PER2: variants seen among roughly 807,000 people sequenced by gnomAD.
PER2 encodes period circadian protein homolog 2.
A neutral mutation model predicts 121.0 loss-of-function variants in PER2; 66 were observed. That is an observed-to-expected ratio of 0.55 (90% CI 0.45 to 0.67). PER2 has a LOEUF of 0.67. PER2 is among the 30% of genes least tolerant of loss of function. PER2 has a pLI of 0.00. For synonymous variants in PER2, 684 were observed against 659.9 expected (o/e 1.04, Z -0.56); for missense variants, 1,521 against 1,635.0 (o/e 0.93, Z 1.20).
intron 1 of PER2, among the ~76,000 whole-genome samples, chr2:238,278,900 G>A (rs10182909): frequency 0.054 from 8,208 of 152,224 alleles, 644 homozygotes; most frequent in African/African-American, 0.17. Context: ...TGAGTGCCAG[G>A]CCCACGGAAC....
rs1559323272 is a variant in PER2 at position 238,253,245 on chromosome 2, G to A, written c.2778C>T (p.Pro926=). 1 of 1,603,484 alleles carries A rather than the reference G, an allele frequency of 6.2e-7. No individual in the cohort carries two copies. The highest frequency in any genetic ancestry group is 2.2e-5 in the East Asian group (1 of 44,676). ...GGTGGCTCGGAAACTGAGGCTGGCT[G>A]GGGAAGAAGGCCTGGGGCAGGTTTG... The part of the protein sequence containing the change: ...GTPNLPQAFF[P]SQPQFPSHPT... Residue 926 remains proline, a synonymous_variant, in exon 19 of 23, where the codon CCC becomes CCT. Transcript: ENST00000254657. The surrounding 1 kb of genome is among the most constrained non-coding windows in gnomAD (Gnocchi z 5.6).
chr2:238,299,358 G>A, the PER2 span: 1 of 151,682 alleles, frequency 6.6e-6, no homozygotes, highest in South Asian at 2.1e-4. Context: ...TGGCTAACAT[G>A]GGCAAAATCC....
chr2:238,257,023 G>A lies in PER2; in HGVS notation c.1964C>T (p.Ala655Val). 1 of 1,613,414 alleles carries A rather than the reference G, an allele frequency of 6.2e-7. No individual in the cohort carries two copies. Among genetic ancestry groups the A allele is most frequent in the East Asian group, 2.2e-5 (1 of 44,872 alleles). ...CACACTCTCTGCCTTGCCCGGCAGT[G>A]CCAGCGAGGTCAGGTGCGTACCTAC... ...TGVGTHLTSL[A>V]LPGKAESVAS... The change falls in exon 17 of 23, where the codon GCA (alanine) becomes GTA (valine). Residue 655 changes from alanine to valine, a missense_variant. By Grantham distance (64) the Ala-to-Val change is moderately conservative. Coordinates refer to ENST00000254657, the MANE Select transcript of PER2 (RefSeq NM_022817.3).
At chr2:238,274,519 G>A (rs1696391924) in intron 4 of PER2, among the ~76,000 whole-genome samples, 1 of 152,230 alleles carries the variant, frequency 6.6e-6, no homozygotes, top group Admixed American at 6.5e-5. Flanking sequence ...GCTGGAAAGT[G>A]TGGAAAATGT....
intron 22 of PER2, among the ~76,000 whole-genome samples, chr2:238,246,866 ACT>A (rs1695465685): frequency 6.6e-6 from 1 of 152,080 alleles, no homozygotes. Context: ...ACAGAGTGAG[ACT>A]CTGTCTCAAA....
chr2:238,249,021 C>G (rs374764382), intron 22 of PER2, 41 bp downstream of exon 22: 2 of 1,601,662 alleles, frequency 1.2e-6, no homozygotes, highest in African/African-American at 1.3e-5. Flanking sequence ...CATCACAGAG[C>G]CTTTTAGGGC....
chr2:238,274,341 C>T (rs1422096708), intron 4 of PER2, among the ~76,000 whole-genome samples: 1 of 152,224 alleles, frequency 6.6e-6, no homozygotes, highest in East Asian at 1.9e-4. Context: ...AAACCTGGGG[C>T]TGCGTTACGA....
At position 238,248,072 on chromosome 2, in the gene PER2, G is replaced by C. The variant is rs117376830; in HGVS notation, c.3618+990C>G. On this transcript the variant is annotated intron_variant, in intron 22 of 22. Transcript: ENST00000254657. ...GCCCAGGATGCCTCCAGGGCTTGCA[G>C]GGTGCAGGTGGGGAAAAGAGGTGCA... 9.2e-5 allele frequency among the ~76,000 whole-genome samples: 14 copies of C among 152,338 alleles called. No homozygotes were observed. The East Asian group carries it at 2.7e-3, about 29-fold the overall frequency.
intron 9 of PER2, among the ~76,000 whole-genome samples, chr2:238,265,237 G>T (rs1375841362): frequency 6.6e-6 from 1 of 152,186 alleles, no homozygotes; most frequent in Non-Finnish European, 1.5e-5. Context: ...AGGCAACAGC[G>T]CCTCTGTCTG....
intron 21 of PER2, among the ~76,000 whole-genome samples, chr2:238,250,096 A>G (rs1167886427): frequency 6.6e-6 from 1 of 152,192 alleles, no homozygotes; most frequent in African/African-American, 2.4e-5. Flanking sequence ...CCTGATGTGG[A>G]CACAGAGCCC....
At position 238,265,195 on chromosome 2, in the gene PER2, G is replaced by A; in HGVS notation, c.1046+317C>T. Among the ~76,000 whole-genome samples, 3 of 152,316 alleles carry A rather than the reference G, an allele frequency of 2.0e-5. 1 individual carries two copies. In the Middle Eastern group the frequency reaches 0.01, roughly 518 times the overall value. ...GACTTCTGCTGGGATCCAGCCAATG[G>A]CATCTCCGGCTTCCACCCTGACACT... On this transcript the variant is annotated intron_variant, in intron 9 of 22. Transcript: ENST00000254657.
chr2:238,297,459 G>T, the PER2 span, among the ~76,000 whole-genome samples: 1 of 152,152 alleles, frequency 6.6e-6, no homozygotes, highest in Non-Finnish European at 1.5e-5. Flanking sequence ...AGTGAGTGAA[G>T]ACACGATTGA....
chr2:238,267,114 G>A (rs1471651490), intron 8 of PER2, among the ~76,000 whole-genome samples: 1 of 150,114 alleles, frequency 6.7e-6, no homozygotes, highest in Non-Finnish European at 1.5e-5. Context: ...CAGCACAGCA[G>A]ACTCAGCTGG....
chr2:238,266,166 G>A (rs1392164899), intron 8 of PER2, among the ~76,000 whole-genome samples: 1 of 152,038 alleles, frequency 6.6e-6, no homozygotes, highest in Non-Finnish European at 1.5e-5. Flanking sequence ...GCCTCCCAAA[G>A]TGCTGGGACT....
chr2:238,271,260 TG>T, intron 6 of PER2, 51 bp downstream of exon 6: 1 of 1,530,114 alleles, frequency 6.5e-7, no homozygotes, highest in Non-Finnish European at 9.0e-7. Context: ...GCCCAGCTCC[TG>T]GCCCCTTTCC....
At chr2:238,256,235 T>C (rs781242075) in intron 17 of PER2, among the ~76,000 whole-genome samples, 6 of 152,122 alleles carry the variant, frequency 3.9e-5, no homozygotes, top group Non-Finnish European at 7.4e-5. Flanking sequence ...ACCAGAAACT[T>C]GGATCAACGT....
chr2:238,264,433 G>C (rs1387045852), intron 9 of PER2, among the ~76,000 whole-genome samples: 1 of 152,146 alleles, frequency 6.6e-6, no homozygotes, highest in Admixed American at 6.5e-5. Context: ...AGGAAGCTGT[G>C]TGGCCCTGAC....
rs779906889 is a variant in PER2, at chr2:238,255,888, C to A, written c.2089G>T (p.Gly697Trp). Residue 697 changes from glycine to tryptophan, a missense_variant, in exon 18 of 23, where the codon GGG (glycine) becomes TGG (tryptophan). Coordinates refer to ENST00000254657, the MANE Select transcript of PER2 (RefSeq NM_022817.3). ...ELEMVEDAAS[G>W]PESLDCLAGP... ...GCCAGGCAGTCCAGGGATTCTGGCC[C>A]ACTCGCAGCATCTTCCACCATCTCT... The A allele has an allele frequency of 1.2e-6, 2 of 1,614,206 alleles. No individual in the cohort carries two copies. Among genetic ancestry groups the A allele is most frequent in the Admixed American group, 3.3e-5 (2 of 60,034 alleles).
chr2:238,256,282 T>C (rs887678352), intron 17 of PER2, among the ~76,000 whole-genome samples: 17 of 152,124 alleles, frequency 1.1e-4, no homozygotes, highest in African/African-American at 3.6e-4. Context: ...GGCATGGTGA[T>C]AGATGGGACC....
Sources: gnomAD v4.1 joint callset for allele counts (sites outside exome capture counted in the v4.1 genomes callset) on GRCh38, gnomAD v4.1.1 for gene constraint, Gnocchi (gnomAD v3.1) non-coding constraint, MANE v1.5 for transcripts, NCBI Gene and HGNC (gene_info 2026-07-23, HGNC 2026-07-21) for gene names.